FAM53A: variants seen among roughly 807,000 people sequenced by gnomAD.
FAM53A encodes family with sequence similarity 53 member A.
FAM53A carries 28 observed loss-of-function variants against 26.6 expected under a neutral mutation model. That is an observed-to-expected ratio of 1.05 (90% CI 0.78 to 1.45). FAM53A has a LOEUF of 1.45. Ranked by LOEUF, FAM53A falls within the 40% of genes most tolerant of loss-of-function variation. The pLI, the probability that FAM53A is intolerant of heterozygous loss-of-function variation, is 0.00. For missense variants in FAM53A, 650 were observed against 575.8 expected, an observed-to-expected ratio of 1.13 and a Z score of -1.32; for synonymous variants, 290 against 253.1, an observed-to-expected ratio of 1.15 and a Z score of -1.38.
chr4:1,620,706 C>CACT (rs1293945794), intron 1 of FAM53A, among the ~76,000 whole-genome samples: 1 of 151,596 alleles, frequency 6.6e-6, no homozygotes, highest in Non-Finnish European at 1.5e-5. Context: ...AAAACACCAC[C>CACT]ACCACCACCA....
intron 2 of FAM53A, among the ~76,000 whole-genome samples, chr4:1,662,462 A>C (rs1713904591): frequency 1.4e-5 from 2 of 144,070 alleles, no homozygotes; most frequent in African/African-American, 5.1e-5. Flanking sequence ...CTTAGCAACA[A>C]GGGCAAGATT....
chr4:1,594,245 G>A, the FAM53A span, among the ~76,000 whole-genome samples: 2 of 152,302 alleles, frequency 1.3e-5, no homozygotes, highest in East Asian at 1.9e-4. Context: ...CAGATAAACC[G>A]ATTCACAGGT....
chr4:1,648,972 G>C (rs571753305), intron 4 of FAM53A, among the ~76,000 whole-genome samples: 1 of 152,316 alleles, frequency 6.6e-6, no homozygotes, highest in African/African-American at 2.4e-5. Context: ...AATTAGCCAG[G>C]TGTGGTGGTG....
chr4:1,656,937 T>G (rs1713430313), intron 3 of FAM53A, among the ~76,000 whole-genome samples: 1 of 151,998 alleles, frequency 6.6e-6, no homozygotes, highest in South Asian at 2.1e-4. Flanking sequence ...GCCTCCATAC[T>G]CGGGGCACCT....
intron 1 of FAM53A, among the ~76,000 whole-genome samples, chr4:1,620,339 A>T (rs576358639): frequency 3.9e-5 from 6 of 152,156 alleles, no homozygotes; most frequent in Non-Finnish European, 5.9e-5. Flanking sequence ...CTCCGCAGAC[A>T]TCCCACAGAA....
At chr4:1,596,815 CA>C in the FAM53A span, among the ~76,000 whole-genome samples, 8 of 151,652 alleles carry the variant, frequency 5.3e-5, no homozygotes, top group African/African-American at 1.9e-4. Flanking sequence ...AGGGGAGAGA[CA>C]GAGACAAGGG....
intron 1 of FAM53A, among the ~76,000 whole-genome samples, chr4:1,626,093 C>T (rs575847592): frequency 7.2e-5 from 11 of 152,314 alleles, no homozygotes; most frequent in South Asian, 2.1e-4. Context: ...CCCCTGCCGT[C>T]CTTCTGGGCC....
intron 1 of FAM53A, among the ~76,000 whole-genome samples, chr4:1,624,598 A>G (rs902206902): frequency 7.9e-5 from 12 of 152,148 alleles, no homozygotes; most frequent in Non-Finnish European, 1.2e-4. Context: ...TACATCCTCA[A>G]AGGCAATAAC....
Position 1,652,366 on chromosome 4 carries a change from AAC to A in FAM53A, c.882+2610_882+2611del, listed in dbSNP as rs565733180. Among the ~76,000 whole-genome samples, 28 of 135,932 alleles carry A rather than the reference AAC, an allele frequency of 2.1e-4. No individual in the cohort carries two copies. In the East Asian group the frequency reaches 3.0e-3, roughly 14 times the overall value. 89.2% of individuals were successfully genotyped at this position (135,932 alleles called of 152,430 possible). A position where few individuals can be genotyped will look rare whatever the true frequency, so the allele number is the denominator to read the frequency against. ...TACACACACCACACGTCACACGCAC[AAC>A]ACACACAACACACATCACATGCACA... On this transcript the variant is annotated intron_variant, in intron 4 of 4. Transcript: ENST00000308132.
exon 2 of FAM53A, chr4:1,618,067 G>C (rs534029763): frequency 2.2e-6 from 1 of 456,370 alleles, no homozygotes; most frequent in Non-Finnish European, 4.4e-6. Context: ...GGAGGGCCGT[G>C]CTATGTCATG....
the FAM53A span, among the ~76,000 whole-genome samples, chr4:1,593,161 G>T: frequency 1.3e-5 from 2 of 152,192 alleles, no homozygotes; most frequent in South Asian, 4.1e-4. Context: ...GTCCTGGGTC[G>T]GGGGCCGGGG....
chr4:1,607,233 G>C, the FAM53A span, among the ~76,000 whole-genome samples: 6 of 152,010 alleles, frequency 3.9e-5, no homozygotes, highest in African/African-American at 1.4e-4. Flanking sequence ...TAGCCAGGCT[G>C]GTCTTGAACT....
intron 1 of FAM53A, among the ~76,000 whole-genome samples, chr4:1,621,925 G>C (rs970985529): frequency 6.6e-6 from 1 of 152,234 alleles, no homozygotes; most frequent in Non-Finnish European, 1.5e-5. Flanking sequence ...GGTGGGACCT[G>C]ATGGGAAGTG....
Position 1,659,109 on chromosome 4 carries a change from C to T in FAM53A, c.76-1641G>A, listed in dbSNP as rs951071230. 2.6e-5 allele frequency among the ~76,000 whole-genome samples: 4 copies of T among 152,354 alleles called. No individual in the cohort carries two copies. The highest frequency in any genetic ancestry group is 1.9e-4 in the East Asian group (1 of 5,190). On this transcript the variant is annotated intron_variant, in intron 2 of 4. Transcript: ENST00000308132. The surrounding 1 kb of genome is among the most constrained non-coding windows in gnomAD (Gnocchi z 5.2). ...TGTGACCCCGAAAAAAGACAGGCCG[C>T]CTACACACGGGGTCCCACCTCAGCC...
At chr4:1,612,853 A>C in the FAM53A span, among the ~76,000 whole-genome samples, 1 of 152,146 alleles carries the variant, frequency 6.6e-6, no homozygotes, top group Non-Finnish European at 1.5e-5. Flanking sequence ...GCATGTATAC[A>C]CTCAAACGCA....
At chr4:1,648,125 C>G (rs1357645607) in intron 4 of FAM53A, among the ~76,000 whole-genome samples, 2 of 152,178 alleles carry the variant, frequency 1.3e-5, no homozygotes, top group African/African-American at 2.4e-5. Flanking sequence ...GGGAGGATCA[C>G]CTGGGTCCAG....
rs62286251 is a variant in FAM53A, at chr4:1,640,683, G to C, written c.*610C>G. 63,119 of 307,336 alleles carry C rather than the reference G, an allele frequency of 0.21. 8,502 individuals carry two copies. Among genetic ancestry groups the C allele is most frequent in the South Asian group, 0.25 (10,450 of 41,440 alleles). 19.0% of individuals were successfully genotyped at this position (307,336 alleles called of 1,614,324 possible). ...CCCCGACCAGCTCACATGAAACCTA[G>C]TCTGTGCCCCAGGGCAGTGCAGGCG... On this transcript the variant is annotated 3_prime_UTR_variant, in exon 5 of 5. Transcript: ENST00000308132.
chr4:1,651,223 GA>G (rs796236932), intron 4 of FAM53A, among the ~76,000 whole-genome samples: 1,910 of 109,690 alleles, frequency 0.017, 15 homozygotes, highest in African/African-American at 0.034. Context: ...ACTCCATCTC[GA>G]AAAAAAAAAA....
At chr4:1,679,962 G>C (rs540501708) in intron 1 of FAM53A, among the ~76,000 whole-genome samples, 1 of 150,188 alleles carries the variant, frequency 6.7e-6, no homozygotes, top group Admixed American at 6.7e-5. Flanking sequence ...GGCGGCAGTT[G>C]CAGTGAGCCA....
Sources: allele counts gnomAD v4.1 joint callset (sites outside exome capture counted in the v4.1 genomes callset), GRCh38; gene constraint gnomAD v4.1.1; non-coding constraint Gnocchi (gnomAD v3.1); transcripts MANE v1.5; gene names NCBI Gene and HGNC (gene_info 2026-07-23, HGNC 2026-07-21).